The following C9orf152 variants were observed in gnomAD, a reference collection of about 807,000 sequenced individuals.
C9orf152 encodes the protein uncharacterized protein C9orf152.
C9orf152 carries 8 observed loss-of-function variants against 8.5 expected under a neutral mutation model. The ratio of observed to expected loss-of-function variants is 0.94; its 90% CI spans 0.55 to 1.70. The LOEUF is 1.70. C9orf152 is among the 40% of genes most tolerant of loss of function. The probability of loss-of-function intolerance (pLI) is 0.00; values close to 1 mark genes in which losing one functional copy is unlikely to be tolerated. For missense variants in C9orf152, 293 were observed against 286.2 expected (o/e 1.02, Z -0.17); for synonymous variants, 109 against 113.0 (o/e 0.96, Z 0.22).
chr9:110,207,262 C>T (rs1009213417), intron 1 of C9orf152, 125 bp downstream of exon 1: 28 of 1,117,238 alleles, frequency 2.5e-5, no homozygotes, highest in East Asian at 4.8e-5. Context: ...GCCCTGAGCC[C>T]GCCTCCCCTG....
intron 1 of C9orf152, among the ~76,000 whole-genome samples, chr9:110,206,679 T>A (rs1247569561): frequency 6.6e-6 from 1 of 151,842 alleles, no homozygotes; most frequent in Non-Finnish European, 1.5e-5. Flanking sequence ...GCCCAAAGAG[T>A]CTACTGAACT....
At chr9:110,202,421 C>T (rs993632776) in intron 1 of C9orf152, among the ~76,000 whole-genome samples, 1 of 152,160 alleles carries the variant, frequency 6.6e-6, no homozygotes, top group African/African-American at 2.4e-5. Flanking sequence ...CCACCCAAGG[C>T]AGAAGAGGGA....
At chr9:110,206,413 A>G (rs1404862427) in intron 1 of C9orf152, among the ~76,000 whole-genome samples, 1 of 152,234 alleles carries the variant, frequency 6.6e-6, no homozygotes, top group Non-Finnish European at 1.5e-5. Context: ...GAATGAATAA[A>G]TACCCTCAAG....
chr9:110,207,899 A>G lies in C9orf152; in HGVS notation c.-320T>C. ...GAGGTGATAGTGACAAGCGGGGATT[A>G]ATGGGGCGAGAGAAGAAAGAGAGGG... On this transcript the variant is annotated 5_prime_UTR_variant, in exon 1 of 2. Transcript: ENST00000400613. 3.6e-6 allele frequency: 1 copy of G among 275,412 alleles called. No individual in the cohort carries two copies. The allele number at this position is 275,412 out of a possible 1,614,324, so 17.1% of individuals were successfully genotyped here.
At chr9:110,202,220 A>T (rs1049173333) in intron 1 of C9orf152, among the ~76,000 whole-genome samples, 7 of 152,144 alleles carry the variant, frequency 4.6e-5, no homozygotes, top group African/African-American at 1.7e-4. Context: ...AGCTGGGATT[A>T]CAAGGCACCT....
chr9:110,207,361 C>T (rs746247569), intron 1 of C9orf152, 26 bp downstream of exon 1: 14 of 1,602,372 alleles, frequency 8.7e-6, no homozygotes, highest in Middle Eastern at 1.7e-4. Flanking sequence ...TAAGTCTCTC[C>T]TTCCCCAGCA....
intron 1 of C9orf152, among the ~76,000 whole-genome samples, chr9:110,204,719 T>A (rs1314415877): frequency 6.6e-6 from 1 of 152,204 alleles, no homozygotes; most frequent in Non-Finnish European, 1.5e-5. Flanking sequence ...TCTCCAGAAT[T>A]CTTCAGTTTC....
chr9:110,206,680 C>G (rs1053634160), intron 1 of C9orf152, among the ~76,000 whole-genome samples: 3 of 152,230 alleles, frequency 2.0e-5, no homozygotes, highest in African/African-American at 7.2e-5. Flanking sequence ...CCCAAAGAGT[C>G]TACTGAACTC....
In C9orf152 at chr9:110,200,994, C is replaced by A. The variant is rs1251443602; in HGVS notation, c.674G>T (p.Arg225Met). Residue 225 changes from arginine to methionine, a missense_variant, in exon 2 of 2, where the codon AGG becomes ATG. By Grantham distance (91) the Arg-to-Met change is moderately conservative. Coordinates refer to ENST00000400613, the MANE Select transcript of C9orf152 (RefSeq NM_001012993.3). ...YYPFPQRKTP[R>M]ISQAARNLGL... is the part of the protein sequence containing the mutation. The stretch of plus-strand genomic sequence containing the variant: ...CAGGTTCCGGGCAGCTTGGGAGATC[C>A]TGGGTGTTTTCCTCTGGGGAAATGG... 6.2e-7 allele frequency: 1 copy of A among 1,613,890 alleles called. No individual in the cohort carries two copies. The highest frequency in any genetic ancestry group is 8.5e-7 in the Non-Finnish European group (1 of 1,179,940).
rs763276912 is a variant in C9orf152 at position 110,200,952 on chromosome 9, G to A, written c.716C>T (p.Ala239Val). The stretch of plus-strand genomic sequence containing the variant: ...CATCTGGCAGAATAGAAAGCTTCAC[G>A]CTGAGCCATATAAGCCCAGGTTCCG... ...AARNLGLYGS[A>V] The change falls in exon 2 of 2, where the codon GCG becomes GTG. Residue 239 changes from alanine to valine, a missense_variant. Transcript: ENST00000400613. 1.5e-5 allele frequency: 24 copies of A among 1,603,958 alleles called. 2 individuals carry two copies. Among genetic ancestry groups the A allele is most frequent in the South Asian group, 1.4e-4 (12 of 88,692 alleles).
intron 1 of C9orf152, among the ~76,000 whole-genome samples, chr9:110,203,244 C>T (rs1162698035): frequency 1.3e-5 from 2 of 151,958 alleles, no homozygotes; most frequent in Admixed American, 6.6e-5. Flanking sequence ...AGGATGGTCT[C>T]GATTTCCTGA....
At chr9:110,205,019 T>C (rs941022593) in intron 1 of C9orf152, among the ~76,000 whole-genome samples, 5 of 152,198 alleles carry the variant, frequency 3.3e-5, no homozygotes, top group Non-Finnish European at 5.9e-5. Context: ...CCTGGCTTCA[T>C]TTCCTCCTCT....
chr9:110,206,217 G>C (rs145169109), intron 1 of C9orf152, among the ~76,000 whole-genome samples: 40 of 152,228 alleles, frequency 2.6e-4, no homozygotes, highest in African/African-American at 8.9e-4. Flanking sequence ...GGGGTACCGA[G>C]TTACCAAGAG....
At position 110,201,233 on chromosome 9, in the gene C9orf152, C is replaced by T. The variant is rs1233413102; in HGVS notation, c.435G>A (p.Val145=). Residue 145 remains valine, a synonymous_variant, in exon 2 of 2, where the codon GTG becomes GTA. Coordinates refer to ENST00000400613, the MANE Select transcript of C9orf152 (RefSeq NM_001012993.3). ...CAGGAGGGAGCCTTTGATCAGATCC[C>T]ACAAGCTTGCCCCTATGATGTACTT... is the stretch of plus-strand genomic sequence containing the variant. ...SHQVHHRGKL[V]GSDQRLPPEG... The T allele has an allele frequency of 6.2e-7, 1 of 1,614,112 alleles. No individual in the cohort carries two copies. The highest frequency in any genetic ancestry group is 1.1e-5 in the South Asian group (1 of 91,080).
In C9orf152 at chr9:110,205,981, C is replaced by T. The variant is rs564357307; in HGVS notation, c.193+1406G>A. On this transcript the variant is annotated intron_variant, in intron 1 of 1. Transcript: ENST00000400613. ...TGAGGCAGGGAGAATTGCCTGAACCCGGGAGGCAGAGGTTTCAGTGAGCCG... is the reference window on the plus strand; with the variant it reads ...TGAGGCAGGGAGAATTGCCTGAACCTGGGAGGCAGAGGTTTCAGTGAGCCG... Among the ~76,000 whole-genome samples the T allele has an allele frequency of 3.7e-4, 56 of 151,734 alleles. No individual in the cohort carries two copies. The South Asian group carries it at 4.0e-3, about 11-fold the overall frequency.
At chr9:110,203,820 C>T (rs1314187015) in intron 1 of C9orf152, among the ~76,000 whole-genome samples, 2 of 152,144 alleles carry the variant, frequency 1.3e-5, no homozygotes, top group Non-Finnish European at 2.9e-5. Flanking sequence ...TTGAGCCCCT[C>T]CTTGATTTCT....
chr9:110,203,179 G>T (rs947558440), intron 1 of C9orf152, among the ~76,000 whole-genome samples: 1 of 151,752 alleles, frequency 6.6e-6, no homozygotes, highest in Non-Finnish European at 1.5e-5. Flanking sequence ...CAGCCACCAC[G>T]CCCAGCTACT....
rs945247499 is a variant in C9orf152 at position 110,201,810 on chromosome 9, C to T, written c.194-336G>A. On this transcript the variant is annotated intron_variant, in intron 1 of 1. Coordinates refer to ENST00000400613, the MANE Select transcript of C9orf152 (RefSeq NM_001012993.3). ...AAACCCACACCTTCCGGGGTGTGTC[C>T]TGGTTGAGTAGAGACAAAATTGCAT... is the stretch of plus-strand genomic sequence containing the variant. Among the ~76,000 whole-genome samples, 3 of 152,146 alleles carry T rather than the reference C, an allele frequency of 2.0e-5. No individual in the cohort carries two copies. The East Asian group carries it at 5.8e-4, about 29-fold the overall frequency.
chr9:110,201,622 G>A, intron 1 of C9orf152, 148 bp from the exon 2 acceptor site: 3 of 532,706 alleles, frequency 5.6e-6, no homozygotes, highest in Non-Finnish European at 9.5e-6. Flanking sequence ...ACACACACAA[G>A]ATCTCACTTG....
Sources: allele counts gnomAD v4.1 joint callset (sites outside exome capture counted in the v4.1 genomes callset), GRCh38; gene constraint gnomAD v4.1.1; transcripts MANE v1.5; gene names NCBI Gene and HGNC (gene_info 2026-07-23, HGNC 2026-07-21).